TMTC3: variants seen among roughly 807,000 people sequenced by gnomAD.
TMTC3 encodes the protein transmembrane O-mannosyltransferase targeting cadherins 3, also known as protein O-mannosyl-transferase TMTC3.
A neutral mutation model predicts 92.2 loss-of-function variants in TMTC3; 52 were observed. The observed-to-expected ratio is 0.56, with a 90% CI of 0.45 to 0.71. The LOEUF is 0.71. TMTC3 is among the 30% of genes least tolerant of loss of function. The pLI, the probability that TMTC3 is intolerant of heterozygous loss-of-function variation, is 0.00. For missense variants in TMTC3, 896 were observed against 1,057.1 expected, an observed-to-expected ratio of 0.85 and a Z score of 2.11; for synonymous variants, 339 against 363.3, an observed-to-expected ratio of 0.93 and a Z score of 0.76.
intron 1 of TMTC3, among the ~76,000 whole-genome samples, chr12:88,145,909 A>G (rs1337980018): frequency 6.6e-6 from 1 of 152,144 alleles, no homozygotes; most frequent in Non-Finnish European, 1.5e-5. Context: ...TTCCTTTCAC[A>G]TTTCCAATTG....
At chr12:88,176,054 A>G (rs2041255543) in intron 9 of TMTC3, among the ~76,000 whole-genome samples, 154 bp from the exon 10 acceptor site, 1 of 152,132 alleles carries the variant, frequency 6.6e-6, no homozygotes, top group Non-Finnish European at 1.5e-5. Context: ...GGGAGAGTAA[A>G]TTTGGTGAAG....
In TMTC3 at chr12:88,188,965, T is replaced by A; in HGVS notation, c.1536+19T>A. On this transcript the variant is annotated intron_variant, in intron 11 of 13. Coordinates refer to ENST00000266712, the MANE Select transcript of TMTC3 (RefSeq NM_181783.4). ...GCCTCAAGTAAGTTGCCATAATTTA[T>A]CTATTGTGTCATATCTATTAGATGT... 7.3e-7 allele frequency: 1 copy of A among 1,361,512 alleles called. No individual in the cohort carries two copies. The highest frequency in any genetic ancestry group is 1.0e-6 in the Non-Finnish European group (1 of 961,256). 84.3% of individuals were successfully genotyped at this position (1,361,512 alleles called of 1,614,324 possible). A position where few individuals can be genotyped will look rare whatever the true frequency, so the allele number is the denominator to read the frequency against.
chr12:88,196,593 C>CCTTAT lies in TMTC3; in HGVS notation c.*948_*949insTCTTA, dbSNP rs1424134848. On this transcript the variant is annotated 3_prime_UTR_variant, in exon 14 of 14. Coordinates refer to ENST00000266712, the MANE Select transcript of TMTC3 (RefSeq NM_181783.4). ...GTCACAATTGAATTATTCTTAGATA[C>CCTTAT]CTTAAGCCACTGAATTCAGTTCTGT... The CCTTAT allele has an allele frequency of 6.6e-6, 1 of 151,806 alleles. No individual in the cohort carries two copies. The highest frequency in any genetic ancestry group is 6.6e-5 in the Admixed American group (1 of 15,228). The allele number at this position is 151,806 out of a possible 1,614,324, so 9.4% of individuals were successfully genotyped here.
intron 6 of TMTC3, among the ~76,000 whole-genome samples, chr12:88,165,794 CAAAG>C (rs1221526118): frequency 6.6e-6 from 1 of 151,896 alleles, no homozygotes; most frequent in East Asian, 1.9e-4. Flanking sequence ...TCCTAGGAGT[CAAAG>C]AAAAGAGGGA....
At chr12:88,193,196 G>A (rs2041463461) in intron 13 of TMTC3, among the ~76,000 whole-genome samples, 1 of 152,006 alleles carries the variant, frequency 6.6e-6, no homozygotes, top group Non-Finnish European at 1.5e-5. Flanking sequence ...AATTGGCTGT[G>A]AGGAGCCAAG....
intron 3 of TMTC3, among the ~76,000 whole-genome samples, 170 bp downstream of exon 3, chr12:88,153,679 A>G (rs576670428): frequency 6.6e-6 from 1 of 152,182 alleles, no homozygotes; most frequent in East Asian, 1.9e-4. Flanking sequence ...CTAGTATGCA[A>G]AGTATAACTT....
chr12:88,158,218 T>C (rs886277618), intron 4 of TMTC3, among the ~76,000 whole-genome samples: 8 of 152,178 alleles, frequency 5.3e-5, no homozygotes, highest in South Asian at 2.1e-4. Context: ...TTATTTCCTA[T>C]GAGTTTTTAT....
chr12:88,176,584 A>C (rs1468724233), intron 10 of TMTC3, among the ~76,000 whole-genome samples: 1 of 152,050 alleles, frequency 6.6e-6, no homozygotes, highest in African/African-American at 2.4e-5. Flanking sequence ...CAGCCTAGGC[A>C]ACAAAGCAAG....
At position 88,197,099 on chromosome 12, in the gene TMTC3, A is replaced by G. The variant is rs1179938841; in HGVS notation, c.*1450A>G. The stretch of plus-strand genomic sequence containing the variant: ...TAATTATATAGTATTTCAAAACTAT[A>G]TATTTTTTAGTTCCTTTGAGATAAC... On this transcript the variant is annotated 3_prime_UTR_variant, in exon 14 of 14. Transcript: ENST00000266712. The G allele has an allele frequency of 3.3e-5, 5 of 152,132 alleles. No homozygotes were observed. The highest frequency in any genetic ancestry group is 7.2e-5 in the African/African-American group (3 of 41,396). The allele number at this position is 152,132 out of a possible 1,614,324, so 9.4% of individuals were successfully genotyped here. A position where few individuals can be genotyped will look rare whatever the true frequency, so the allele number is the denominator to read the frequency against.
Position 88,174,657 on chromosome 12 carries a change from A to T in TMTC3, c.1250A>T (p.His417Leu), listed in dbSNP as rs2041240693. 6.2e-7 allele frequency: 1 copy of T among 1,612,458 alleles called. No homozygotes were observed. The highest frequency in any genetic ancestry group is 8.5e-7 in the Non-Finnish European group (1 of 1,179,048). ...TGTCTGTCTATGGTGATACTCACTCATTCCTTAAAAACATTCCACAGAAAT... is the reference window on the plus strand; with the variant it reads ...TGTCTGTCTATGGTGATACTCACTCTTTCCTTAAAAACATTCCACAGAAAT... The part of the protein sequence containing the change: ...WICLSMVILT[H>L]SLKTFHRNWD... The change falls in exon 9 of 14, where the codon CAT becomes CTT. Residue 417 changes from histidine to leucine, a missense_variant. His to Leu is a moderately conservative substitution (Grantham distance 99, BLOSUM62 -3). Coordinates refer to ENST00000266712, the MANE Select transcript of TMTC3 (RefSeq NM_181783.4).
intron 10 of TMTC3, among the ~76,000 whole-genome samples, chr12:88,182,557 C>G (rs906693857): frequency 6.6e-6 from 1 of 152,042 alleles, no homozygotes; most frequent in Non-Finnish European, 1.5e-5. Flanking sequence ...TAGTATGTAT[C>G]CAAGATATTT....
intron 10 of TMTC3, among the ~76,000 whole-genome samples, chr12:88,178,182 G>A (rs1435385337): frequency 6.6e-6 from 1 of 152,116 alleles, no homozygotes; most frequent in African/African-American, 2.4e-5. Flanking sequence ...AGGGCTAAAG[G>A]TAACCATGTC....
At position 88,193,370 on chromosome 12, in the gene TMTC3, G is replaced by T. The variant is rs1210559744; in HGVS notation, c.1933+540G>T. Among the ~76,000 whole-genome samples the T allele has an allele frequency of 2.0e-5, 3 of 151,862 alleles. No homozygotes were observed. In the East Asian group the frequency reaches 5.8e-4, roughly 29 times the overall value. On this transcript the variant is annotated intron_variant, in intron 13 of 13. Transcript: ENST00000266712. Reference sequence around the variant, plus strand: ...CTAAATTATTAACCACAGTAAATCTGGATCCTTCATCCATATTTTATATAG... The same window carrying T: ...CTAAATTATTAACCACAGTAAATCTTGATCCTTCATCCATATTTTATATAG...
chr12:88,193,634 A>T (rs2041468677), intron 13 of TMTC3, among the ~76,000 whole-genome samples: 1 of 152,172 alleles, frequency 6.6e-6, no homozygotes, highest in Non-Finnish European at 1.5e-5. Flanking sequence ...ACTGCCCCAA[A>T]GTCATATGGC....
At chr12:88,154,478 T>G (rs777392666) in intron 4 of TMTC3, 91 bp downstream of exon 4, 3 of 740,738 alleles carry the variant, frequency 4.1e-6, no homozygotes, top group Non-Finnish European at 6.4e-6. Context: ...TAACACATTA[T>G]ATACCACATT....
chr12:88,164,170 A>T (rs2138389725), intron 6 of TMTC3, among the ~76,000 whole-genome samples: 1 of 150,012 alleles, frequency 6.7e-6, no homozygotes, highest in South Asian at 2.2e-4. Context: ...AGCCTGGGTG[A>T]CAAAGCAAGA....
At chr12:88,166,226 A>G (rs1258295885) in intron 6 of TMTC3, 104 bp from the exon 7 acceptor site, 4 of 1,149,230 alleles carry the variant, frequency 3.5e-6, no homozygotes, top group Non-Finnish European at 4.8e-6. Context: ...CTTCTGTTTA[A>G]TAAGATGATA....
intron 4 of TMTC3, among the ~76,000 whole-genome samples, chr12:88,158,932 A>G (rs1182175564): frequency 6.6e-6 from 1 of 151,802 alleles, no homozygotes; most frequent in African/African-American, 2.4e-5. Flanking sequence ...CATGCCTGTA[A>G]TCCCAGCTAC....
At position 88,195,157 on chromosome 12, in the gene TMTC3, A is replaced by G. The variant is rs933216817; in HGVS notation, c.2253A>G (p.Lys751=). The change falls in exon 14 of 14, where the codon AAA becomes AAG. Residue 751 remains lysine, a synonymous_variant. Coordinates refer to ENST00000266712, the MANE Select transcript of TMTC3 (RefSeq NM_181783.4). ...GAGACATTCTGATGAATCAAAAGAA[A>G]GATATACTAGGAGCAAAAAAATGTT... The part of the protein sequence containing the change: ...LKGDILMNQK[K]DILGAKKCFE... The G allele has an allele frequency of 3.1e-6, 5 of 1,613,770 alleles. No individual in the cohort carries two copies. In the African/African-American group the frequency reaches 6.7e-5, roughly 22 times the overall value.
Sources: gnomAD v4.1 joint callset for allele counts (sites outside exome capture counted in the v4.1 genomes callset) on GRCh38, gnomAD v4.1.1 for gene constraint, MANE v1.5 for transcripts, NCBI Gene and HGNC (gene_info 2026-07-23, HGNC 2026-07-21) for gene names.